Variants in USP6NL observed in about 807,000 individuals in gnomAD.
USP6NL encodes the protein USP6 N-terminal-like protein.
Under a neutral mutation model 61.9 loss-of-function variants are expected in USP6NL, and 26 were observed. The observed-to-expected ratio is 0.42, with a 90% CI of 0.31 to 0.58. The LOEUF is 0.58. Among genes scored for constraint, USP6NL ranks in the 20% least tolerant of loss-of-function variants. USP6NL has a pLI of 0.16. For synonymous variants in USP6NL, 432 were observed against 390.1 expected (o/e 1.11, Z -1.27); for missense variants, 1,114 against 1,034.3 (o/e 1.08, Z -1.06).
At chr10:11,529,107 C>A (rs1018072012) in intron 2 of USP6NL, among the ~76,000 whole-genome samples, 3 of 151,978 alleles carry the variant, frequency 2.0e-5, no homozygotes, top group Admixed American at 2.0e-4. Context: ...ATAAGACTTA[C>A]AGATTGCTGA....
chr10:11,579,915 G>A (rs576413574), intron 2 of USP6NL, among the ~76,000 whole-genome samples: 1 of 147,268 alleles, frequency 6.8e-6, no homozygotes, highest in South Asian at 2.2e-4. Flanking sequence ...GTCCAAATAT[G>A]ACCCATAGGC....
In USP6NL at chr10:11,489,682, A is replaced by T. The variant is rs960443848; in HGVS notation, c.544-460T>A. 7.9e-5 allele frequency among the ~76,000 whole-genome samples: 12 copies of T among 151,322 alleles called. No homozygotes were observed. Among genetic ancestry groups the T allele is most frequent in the South Asian group, 4.2e-4 (2 of 4,800 alleles). The stretch of plus-strand genomic sequence containing the variant: ...TATGCCTCCTCTCTAAGAAATACCC[A>T]CTCTCCCCATAGTCCCTGCTTATGA... On this transcript the variant is annotated intron_variant, in intron 9 of 14. Coordinates refer to ENST00000609104, the MANE Select transcript of USP6NL (RefSeq NM_014688.5). This position sits in a 1 kb window ranked among gnomAD's most constrained non-coding sequence, Gnocchi z 5.7.
At chr10:11,522,764 G>A (rs1403277088) in intron 4 of USP6NL, among the ~76,000 whole-genome samples, 5 of 152,098 alleles carry the variant, frequency 3.3e-5, no homozygotes, top group South Asian at 4.1e-4. Context: ...TTAGGTCCTC[G>A]TTTTCCCCCT....
rs1249892228 is a variant in USP6NL, at chr10:11,476,899, T to G, written c.1078+4871A>C. On this transcript the variant is annotated intron_variant, in intron 14 of 14. Transcript: ENST00000609104. The surrounding 1 kb of genome is among the most constrained non-coding windows in gnomAD (Gnocchi z 4.3). ...TTATTATTATTTTTTCAAGACGGAG[T>G]CTTGCTCTGTCACCCAGGCTGAAGT... is the stretch of plus-strand genomic sequence containing the variant. Among the ~76,000 whole-genome samples, 1 of 152,024 alleles carries G rather than the reference T, an allele frequency of 6.6e-6. No individual in the cohort carries two copies. Among genetic ancestry groups the G allele is most frequent in the Non-Finnish European group, 1.5e-5 (1 of 68,014 alleles).
chr10:11,543,803 G>GTTTTT lies in USP6NL; in HGVS notation c.5-16241_5-16237dup, dbSNP rs781443038. Among the ~76,000 whole-genome samples the GTTTTT allele has an allele frequency of 3.5e-4, 27 of 76,394 alleles. 2 individuals are homozygous for GTTTTT. The highest frequency in any genetic ancestry group is 1.0e-3 in the East Asian group (2 of 2,002). 50.1% of individuals were successfully genotyped at this position (76,394 alleles called of 152,430 possible). A position where few individuals can be genotyped will look rare whatever the true frequency, so the allele number is the denominator to read the frequency against. On this transcript the variant is annotated intron_variant, in intron 2 of 14. Coordinates refer to ENST00000609104, the MANE Select transcript of USP6NL (RefSeq NM_014688.5). ...TCTGGGGATCCTGAAAAATATTTAG[G>GTTTTT]TTTTTTTTTTTTTTTTTTTTTTTTT...
At position 11,537,426 on chromosome 10, in the gene USP6NL, A is replaced by G. The variant is rs1255421548; in HGVS notation, c.5-9859T>C. Among the ~76,000 whole-genome samples the G allele has an allele frequency of 6.6e-6, 1 of 152,104 alleles. No homozygotes were observed. Among genetic ancestry groups the G allele is most frequent in the East Asian group, 1.9e-4 (1 of 5,186 alleles). On this transcript the variant is annotated intron_variant, in intron 2 of 14. Transcript: ENST00000609104. The surrounding 1 kb of genome is among the most constrained non-coding windows in gnomAD (Gnocchi z 5.1). ...AAAGCCCGGCCTACTCCTCTAGTTT[A>G]AGTATGCATTATCTGATACAATCAA...
In USP6NL at chr10:11,585,421, G is replaced by A. The variant is rs12264775; in HGVS notation, c.4+12210C>T. Among the ~76,000 whole-genome samples, 2,410 of 152,224 alleles carry A rather than the reference G, an allele frequency of 0.016. 63 individuals are homozygous for A. Among genetic ancestry groups the A allele is most frequent in the African/African-American group, 0.054 (2,237 of 41,550 alleles). ...CCCATGGTTCACAGCAGCATAATTC[G>A]CAACAGCCAAAAGGTGGAAGCACGA... is the stretch of plus-strand genomic sequence containing the variant. On this transcript the variant is annotated intron_variant, in intron 2 of 14. Transcript: ENST00000609104. The surrounding 1 kb of genome is among the most constrained non-coding windows in gnomAD (Gnocchi z 4.5).
chr10:11,554,466 T>C (rs886318604), intron 2 of USP6NL, among the ~76,000 whole-genome samples: 2 of 152,100 alleles, frequency 1.3e-5, no homozygotes, highest in Non-Finnish European at 2.9e-5. Flanking sequence ...AAATAAAAAT[T>C]GGAGTTCGGG....
rs1481752316 is a variant in USP6NL, at chr10:11,562,152, C to T, written c.5-34585G>A. ...AAAATTAGCTGGATGTGGTGGCTGG[C>T]GCCTGTAATCCCAGCTACTTGGGAG... On this transcript the variant is annotated intron_variant, in intron 2 of 14. Coordinates refer to ENST00000609104, the MANE Select transcript of USP6NL (RefSeq NM_014688.5). This position sits in a 1 kb window ranked among gnomAD's most constrained non-coding sequence, Gnocchi z 4.8. Among the ~76,000 whole-genome samples, 6 of 151,828 alleles carry T rather than the reference C, an allele frequency of 4.0e-5. No homozygotes were observed. The highest frequency in any genetic ancestry group is 1.3e-4 in the Admixed American group (2 of 15,260).
chr10:11,602,101 A>AT lies in USP6NL; in HGVS notation c.-83-4385dup, dbSNP rs1838552637. Among the ~76,000 whole-genome samples, 1 of 152,214 alleles carries AT rather than the reference A, an allele frequency of 6.6e-6. No homozygotes were observed. Among genetic ancestry groups the AT allele is most frequent in the Non-Finnish European group, 1.5e-5 (1 of 68,028 alleles). On this transcript the variant is annotated intron_variant, in intron 1 of 14. Coordinates refer to ENST00000609104, the MANE Select transcript of USP6NL (RefSeq NM_014688.5). The surrounding 1 kb of genome is among the most constrained non-coding windows in gnomAD (Gnocchi z 4.8). ...CACACACACGTCCAAATAACAAGGG[A>AT]TTGACTACATTGTTAATTCACATTT...
chr10:11,527,017 G>C (rs1835448767), intron 3 of USP6NL, among the ~76,000 whole-genome samples: 1 of 152,140 alleles, frequency 6.6e-6, no homozygotes, highest in African/African-American at 2.4e-5. Flanking sequence ...TGCCTAGTGT[G>C]AATCAGGTAA....
Position 11,482,023 on chromosome 10 carries a change from G to A in USP6NL, c.926-101C>T. 1 of 1,235,164 alleles carries A rather than the reference G, an allele frequency of 8.1e-7. No individual in the cohort carries two copies. The highest frequency in any genetic ancestry group is 1.1e-6 in the Non-Finnish European group (1 of 922,318). The allele number at this position is 1,235,164 out of a possible 1,614,324, so 76.5% of individuals were successfully genotyped here. Reference sequence around the variant, plus strand: ...GTGTAGTGTAAAAGGGCATTAAAAAGGGCGCAAGCAGCATACAACTTACAT... The same window carrying A: ...GTGTAGTGTAAAAGGGCATTAAAAAAGGCGCAAGCAGCATACAACTTACAT... On this transcript the variant is annotated intron_variant, in intron 13 of 14. Coordinates refer to ENST00000609104, the MANE Select transcript of USP6NL (RefSeq NM_014688.5). This position sits in a 1 kb window ranked among gnomAD's most constrained non-coding sequence, Gnocchi z 4.0.
intron 2 of USP6NL, among the ~76,000 whole-genome samples, chr10:11,556,404 CAGAA>C (rs1389568805): frequency 9.2e-5 from 14 of 151,902 alleles, no homozygotes; most frequent in African/African-American, 3.4e-4. Context: ...AAGATAGAAA[CAGAA>C]AGTCAGATTT....
At position 11,491,018 on chromosome 10, in the gene USP6NL, G is replaced by T; in HGVS notation, c.495-138C>A. On this transcript the variant is annotated intron_variant, in intron 8 of 14. Transcript: ENST00000609104. This position sits in a 1 kb window ranked among gnomAD's most constrained non-coding sequence, Gnocchi z 4.7. ...TTACTAATGTAATAAATTATCCCAA[G>T]TTCAAATTCAAACAACACTCTAAAA... 1.4e-6 allele frequency: 1 copy of T among 729,036 alleles called. No individual in the cohort carries two copies. The highest frequency in any genetic ancestry group is 2.1e-6 in the Non-Finnish European group (1 of 469,542). 45.2% of individuals were successfully genotyped at this position (729,036 alleles called of 1,614,324 possible).
intron 5 of USP6NL, among the ~76,000 whole-genome samples, chr10:11,509,917 C>G (rs2133344256): frequency 6.6e-6 from 1 of 152,216 alleles, no homozygotes; most frequent in South Asian, 2.1e-4. Flanking sequence ...TTTTCCAAGA[C>G]TTGAAAAGTA....
At chr10:11,497,799 T>G (rs994850585) in intron 7 of USP6NL, among the ~76,000 whole-genome samples, 4 of 152,202 alleles carry the variant, frequency 2.6e-5, no homozygotes, top group African/African-American at 9.7e-5. Context: ...GGTAAACAAT[T>G]TCTACAGTTA....
In USP6NL at chr10:11,525,327, A is replaced by C; in HGVS notation, c.155+59T>G. ...ATTAAAAATAAAGAAAATCAATATA[A>C]TAGGTGACCACAGAAACGTTATAAT... On this transcript the variant is annotated intron_variant, in intron 4 of 14. Transcript: ENST00000609104. The surrounding 1 kb of genome is among the most constrained non-coding windows in gnomAD (Gnocchi z 5.0). 1 of 1,351,546 alleles carries C rather than the reference A, an allele frequency of 7.4e-7. No individual in the cohort carries two copies. The highest frequency in any genetic ancestry group is 1.0e-6 in the Non-Finnish European group (1 of 976,648). 83.7% of individuals were successfully genotyped at this position (1,351,546 alleles called of 1,614,324 possible).
rs34057408 is a variant in USP6NL at position 11,460,564 on chromosome 10, A to AT, written c.*1876dup. ...ACAATCACATCAAAAAAGTATACAG[A>AT]TAAAAAATGTCATAAATGACATAAG... On this transcript the variant is annotated 3_prime_UTR_variant, in exon 15 of 15. Coordinates refer to ENST00000609104, the MANE Select transcript of USP6NL (RefSeq NM_014688.5). 16,737 of 149,876 alleles carry AT rather than the reference A, an allele frequency of 0.11. 1,251 individuals are homozygous for AT. Among genetic ancestry groups the AT allele is most frequent in the East Asian group, 0.16 (834 of 5,154 alleles). The allele number at this position is 149,876 out of a possible 1,614,324, so 9.3% of individuals were successfully genotyped here. A position where few individuals can be genotyped will look rare whatever the true frequency, so the allele number is the denominator to read the frequency against.
In USP6NL at chr10:11,462,427, G is replaced by C; in HGVS notation, c.*14C>G. The C allele has an allele frequency of 1.2e-6, 2 of 1,608,268 alleles. No individual in the cohort carries two copies. Among genetic ancestry groups the C allele is most frequent in the Non-Finnish European group, 8.5e-7 (1 of 1,177,028 alleles). ...GTGGTTTCTCTCTCGTCTTTAGCAAGTACACGTCAAATCTCACAGCAACAC... is the reference window on the plus strand; with the variant it reads ...GTGGTTTCTCTCTCGTCTTTAGCAACTACACGTCAAATCTCACAGCAACAC... On this transcript the variant is annotated 3_prime_UTR_variant, in exon 15 of 15. Coordinates refer to ENST00000609104, the MANE Select transcript of USP6NL (RefSeq NM_014688.5).
Sources: allele counts gnomAD v4.1 joint callset (sites outside exome capture counted in the v4.1 genomes callset), GRCh38; gene constraint gnomAD v4.1.1; non-coding constraint Gnocchi (gnomAD v3.1); transcripts MANE v1.5; gene names NCBI Gene and HGNC (gene_info 2026-07-23, HGNC 2026-07-21).